Variants in EPC2 observed in about 807,000 individuals in gnomAD.
EPC2 encodes enhancer of polycomb homolog 2.
EPC2 carries 14 observed loss-of-function variants against 92.1 expected under a neutral mutation model. The observed-to-expected ratio is 0.15, with a 90% CI of 0.10 to 0.24. The LOEUF (loss-of-function observed/expected upper bound fraction) is 0.24, where lower values mean the gene tolerates loss of function less well. Among genes scored for constraint, EPC2 ranks in the 10% least tolerant of loss-of-function variants. The pLI, the probability that EPC2 is intolerant of heterozygous loss-of-function variation, is 1.00. For synonymous variants in EPC2, 340 were observed against 334.7 expected (o/e 1.02, Z -0.17); for missense variants, 755 against 971.5 (o/e 0.78, Z 2.96).
At chr2:148,646,148 A>G (rs2105346845) in intron 1 of EPC2, among the ~76,000 whole-genome samples, 1 of 152,260 alleles carries the variant, frequency 6.6e-6, no homozygotes, top group Non-Finnish European at 1.5e-5. Context: ...TTCTTCAATG[A>G]ACCTACAGTC....
chr2:148,771,099 C>G lies in EPC2; in HGVS notation c.1432C>G (p.Pro478Ala), dbSNP rs757763407. 1.9e-5 allele frequency: 30 copies of G among 1,613,094 alleles called. No individual in the cohort carries two copies. Among genetic ancestry groups the G allele is most frequent in the Non-Finnish European group, 2.5e-5 (29 of 1,179,476 alleles). Reference sequence around the variant, plus strand: ...TGACCCAGTCCTGAAACAGATAGACCCTGAAATGCTGAATAGTTTTTCAAG... The same window carrying G: ...TGACCCAGTCCTGAAACAGATAGACGCTGAAATGCTGAATAGTTTTTCAAG... Reference protein sequence around the residue: ...EHDPVLKQIDPEMLNSFSSSS... With the variant: ...EHDPVLKQIDAEMLNSFSSSS... Residue 478 changes from proline (P) to alanine (A), a missense_variant, in exon 10 of 14, where the codon CCT (proline) becomes GCT (alanine). Transcript: ENST00000258484.
intron 1 of EPC2, among the ~76,000 whole-genome samples, chr2:148,655,654 T>C (rs1014046489): frequency 1.3e-5 from 2 of 152,206 alleles, no homozygotes; most frequent in Admixed American, 1.3e-4. Context: ...TCCAAGTTCA[T>C]GGACCCCTTA....
chr2:148,742,515 G>A (rs950395579), intron 2 of EPC2, among the ~76,000 whole-genome samples: 1 of 152,166 alleles, frequency 6.6e-6, no homozygotes, highest in African/African-American at 2.4e-5. Flanking sequence ...CAGTTTGGAA[G>A]GCCGAGGCAG....
intron 2 of EPC2, among the ~76,000 whole-genome samples, chr2:148,701,739 C>T (rs542028455): frequency 1.3e-5 from 2 of 152,154 alleles, no homozygotes; most frequent in South Asian, 4.1e-4. Flanking sequence ...TGATGCTGAC[C>T]TCATAGAATG....
intron 1 of EPC2, 82 bp downstream of exon 1, chr2:148,645,252 C>T: frequency 7.9e-7 from 1 of 1,262,910 alleles, no homozygotes; most frequent in Non-Finnish European, 1.1e-6. Context: ...TCACAGAGCG[C>T]TTTACGCTCG....
intron 13 of EPC2, among the ~76,000 whole-genome samples, chr2:148,785,458 G>T (rs542769414): frequency 4.4e-4 from 67 of 152,206 alleles, no homozygotes; most frequent in African/African-American, 1.6e-3. Flanking sequence ...CTCCCAAGTA[G>T]CTGGGATTAT....
chr2:148,689,367 T>C (rs555570792), intron 1 of EPC2, among the ~76,000 whole-genome samples: 1 of 151,794 alleles, frequency 6.6e-6, no homozygotes, highest in East Asian at 1.9e-4. Context: ...TTTAGTAGAG[T>C]CGGGGTTTCA....
At chr2:148,677,749 T>C (rs1681298542) in intron 1 of EPC2, among the ~76,000 whole-genome samples, 1 of 152,126 alleles carries the variant, frequency 6.6e-6, no homozygotes, top group Non-Finnish European at 1.5e-5. Flanking sequence ...GTGGTCTCGC[T>C]GGCTCAGGAG....
At chr2:148,775,081 T>G (rs1365289587) in intron 10 of EPC2, among the ~76,000 whole-genome samples, 13 of 91,478 alleles carry the variant, frequency 1.4e-4, no homozygotes, top group African/African-American at 3.4e-4. Flanking sequence ...AGAGCGAGAC[T>G]CCCTCTCAAA....
At chr2:148,781,917 AGTTAAT>A (rs1574641076) in intron 11 of EPC2, 137 bp downstream of exon 11, 2 of 953,594 alleles carry the variant, frequency 2.1e-6, no homozygotes, top group East Asian at 5.2e-5. Flanking sequence ...ATTTCTTTTC[AGTTAAT>A]GTACGTAATT....
chr2:148,767,175 G>A (rs1169287983), intron 7 of EPC2, among the ~76,000 whole-genome samples: 1 of 148,194 alleles, frequency 6.7e-6, no homozygotes. Context: ...TCCAGCCTGG[G>A]CGACAGAGCA....
chr2:148,698,340 A>C (rs2105375662), intron 2 of EPC2, among the ~76,000 whole-genome samples: 1 of 152,228 alleles, frequency 6.6e-6, no homozygotes, highest in Non-Finnish European at 1.5e-5. Context: ...TTACTGGCTT[A>C]AGAATCTCCT....
intron 2 of EPC2, among the ~76,000 whole-genome samples, chr2:148,731,372 G>A (rs1381688868): frequency 6.6e-6 from 1 of 152,116 alleles, no homozygotes; most frequent in South Asian, 2.1e-4. Flanking sequence ...AAGAGGTTTA[G>A]ATATTGACAA....
At chr2:148,747,588 C>G (rs2105411127) in intron 3 of EPC2, among the ~76,000 whole-genome samples, 1 of 152,128 alleles carries the variant, frequency 6.6e-6, no homozygotes, top group Non-Finnish European at 1.5e-5. Context: ...ACCTTTTACC[C>G]ACATCACAAT....
At chr2:148,783,499 G>A (rs1683797139) in intron 11 of EPC2, 98 bp from the exon 12 acceptor site, 1 of 1,153,568 alleles carries the variant, frequency 8.7e-7, no homozygotes, top group South Asian at 1.6e-5. Flanking sequence ...ATTGTTCAAG[G>A]TTAGAAAGGC....
chr2:148,712,242 G>GT (rs1682159148), intron 2 of EPC2, among the ~76,000 whole-genome samples: 3 of 145,502 alleles, frequency 2.1e-5, no homozygotes, highest in African/African-American at 8.1e-5. Flanking sequence ...TGTGTGTGTG[G>GT]GGGTGTGTGT....
chr2:148,707,762 A>G (rs919452541), intron 2 of EPC2, among the ~76,000 whole-genome samples: 1 of 152,172 alleles, frequency 6.6e-6, no homozygotes, highest in Non-Finnish European at 1.5e-5. Flanking sequence ...GGTACATAAC[A>G]AAATGAAGGC....
At chr2:148,657,647 C>G (rs961018672) in intron 1 of EPC2, among the ~76,000 whole-genome samples, 4 of 152,008 alleles carry the variant, frequency 2.6e-5, no homozygotes, top group Middle Eastern at 3.4e-3. Flanking sequence ...ACCAGAATAT[C>G]TAGGATGCTT....
intron 10 of EPC2, among the ~76,000 whole-genome samples, chr2:148,775,927 A>T (rs370991144): frequency 1.3e-5 from 2 of 151,276 alleles, no homozygotes; most frequent in Non-Finnish European, 3.0e-5. Flanking sequence ...ACAGGTGCCC[A>T]CCACCACACC....
Sources: gnomAD v4.1 joint callset for allele counts (sites outside exome capture counted in the v4.1 genomes callset) on GRCh38, gnomAD v4.1.1 for gene constraint, MANE v1.5 for transcripts, NCBI Gene and HGNC (gene_info 2026-07-23, HGNC 2026-07-21) for gene names.